The following MRPS27 variants were observed in gnomAD, a reference collection of about 807,000 sequenced individuals.
The protein encoded by MRPS27 is small ribosomal subunit protein mS27.
MRPS27 carries 43 observed loss-of-function variants against 48.9 expected under a neutral mutation model. That is an observed-to-expected ratio of 0.88 (90% CI 0.69 to 1.13). The LOEUF (loss-of-function observed/expected upper bound fraction) is 1.13, where lower values mean the gene tolerates loss of function less well. Ranked by LOEUF, MRPS27 falls within the 50% of genes most tolerant of loss-of-function variation. The pLI, the probability that MRPS27 is intolerant of heterozygous loss-of-function variation, is 0.00. For missense variants in MRPS27, 467 were observed against 476.3 expected (o/e 0.98, Z 0.18); for synonymous variants, 188 against 171.9 (o/e 1.09, Z -0.73).
intron 4 of MRPS27, among the ~76,000 whole-genome samples, chr5:72,273,794 T>C (rs1749306528): frequency 6.6e-6 from 1 of 152,208 alleles, no homozygotes; most frequent in African/African-American, 2.4e-5. Context: ...TACGCTACTG[T>C]AGACTTTATA....
chr5:72,236,587 C>T (rs1209637883), intron 5 of MRPS27, among the ~76,000 whole-genome samples: 2 of 152,118 alleles, frequency 1.3e-5, no homozygotes, highest in Non-Finnish European at 2.9e-5. Context: ...TCTGGGCCTT[C>T]CATTTCCTCC....
chr5:72,294,614 T>C (rs1749928389), intron 4 of MRPS27: 1 of 152,196 alleles, frequency 6.6e-6, no homozygotes, highest in African/African-American at 2.4e-5. Context: ...CTACCATAAA[T>C]GATGTTGCAC....
At chr5:72,252,657 G>A (rs1228095916) in intron 4 of MRPS27, among the ~76,000 whole-genome samples, 1 of 152,140 alleles carries the variant, frequency 6.6e-6, no homozygotes, top group Non-Finnish European at 1.5e-5. Flanking sequence ...AGAAGTAGGT[G>A]GCTTGCATTC....
At chr5:72,282,784 C>T (rs772631497) in intron 4 of MRPS27, among the ~76,000 whole-genome samples, 2 of 152,170 alleles carry the variant, frequency 1.3e-5, no homozygotes, top group Non-Finnish European at 2.9e-5. Flanking sequence ...CCCAACTTCT[C>T]ATACCACAAA....
intron 4 of MRPS27, among the ~76,000 whole-genome samples, chr5:72,274,976 G>A (rs574779411): frequency 6.9e-4 from 105 of 152,226 alleles, no homozygotes; most frequent in African/African-American, 2.5e-3. Context: ...CACAAGACAA[G>A]GATGCCCTCT....
chr5:72,292,172 G>C (rs973301091), intron 4 of MRPS27, among the ~76,000 whole-genome samples: 1 of 129,814 alleles, frequency 7.7e-6, no homozygotes, highest in African/African-American at 2.9e-5. Flanking sequence ...TTTTACTCTT[G>C]GTTTATTTTC....
At chr5:72,236,634 T>G (rs1206750432) in intron 5 of MRPS27, among the ~76,000 whole-genome samples, 1 of 152,140 alleles carries the variant, frequency 6.6e-6, no homozygotes, top group Non-Finnish European at 1.5e-5. Flanking sequence ...ATTGGACTTA[T>G]CCAGGGACCT....
chr5:72,277,601 T>A (rs1749411455), intron 4 of MRPS27, among the ~76,000 whole-genome samples: 1 of 150,936 alleles, frequency 6.6e-6, no homozygotes, highest in Non-Finnish European at 1.5e-5. Context: ...AGACTCCGTC[T>A]CAAAAAAAAA....
intron 4 of MRPS27, among the ~76,000 whole-genome samples, chr5:72,287,145 T>A (rs1013254900): frequency 5.3e-5 from 8 of 152,026 alleles, no homozygotes; most frequent in Non-Finnish European, 7.4e-5. Context: ...ATGCTCCTTA[T>A]GAGAATCTAA....
chr5:72,241,677 C>G, intron 4 of MRPS27: 1 of 1,535,492 alleles, frequency 6.5e-7, no homozygotes, highest in Non-Finnish European at 8.7e-7. Context: ...GCTGGATGAG[C>G]ATTCTCCCTT....
intron 2 of MRPS27, among the ~76,000 whole-genome samples, chr5:72,299,710 T>C (rs1364095640): frequency 6.6e-6 from 1 of 152,254 alleles, no homozygotes; most frequent in Non-Finnish European, 1.5e-5. Context: ...GATCACACTT[T>C]TATCTCAGAG....
intron 4 of MRPS27, among the ~76,000 whole-genome samples, chr5:72,276,957 G>A (rs1749393539): frequency 6.6e-6 from 1 of 152,080 alleles, no homozygotes; most frequent in Non-Finnish European, 1.5e-5. Context: ...CTTGAACCCA[G>A]GAGGCGGAGG....
chr5:72,275,710 C>A (rs1408377578), intron 4 of MRPS27, among the ~76,000 whole-genome samples: 1 of 152,204 alleles, frequency 6.6e-6, no homozygotes, highest in Non-Finnish European at 1.5e-5. Flanking sequence ...CATACCTGAA[C>A]AAAGGGGCAT....
At chr5:72,251,283 C>G (rs939975460) in intron 4 of MRPS27, among the ~76,000 whole-genome samples, 2 of 152,096 alleles carry the variant, frequency 1.3e-5, no homozygotes, top group African/African-American at 4.8e-5. Context: ...AAGACAGTCT[C>G]AAATGAGGAG....
At chr5:72,252,823 T>C (rs1285820328) in intron 4 of MRPS27, among the ~76,000 whole-genome samples, 1 of 152,154 alleles carries the variant, frequency 6.6e-6, no homozygotes, top group Non-Finnish European at 1.5e-5. Context: ...TGGTGCTATT[T>C]TGTTGGGGGA....
chr5:72,287,870 T>C (rs1749715891), intron 4 of MRPS27, among the ~76,000 whole-genome samples: 1 of 152,204 alleles, frequency 6.6e-6, no homozygotes, highest in African/African-American at 2.4e-5. Context: ...AAGTTAAACA[T>C]TTACTTACCA....
At chr5:72,299,969 T>G (rs1580111630) in intron 2 of MRPS27, among the ~76,000 whole-genome samples, 1 of 152,266 alleles carries the variant, frequency 6.6e-6, no homozygotes, top group Non-Finnish European at 1.5e-5. Flanking sequence ...AAAGGTTGAA[T>G]GGTGTTAAAC....
At chr5:72,234,355 T>G (rs1479351001) in intron 5 of MRPS27, among the ~76,000 whole-genome samples, 158 bp from the exon 6 acceptor site, 1 of 152,090 alleles carries the variant, frequency 6.6e-6, no homozygotes, top group Non-Finnish European at 1.5e-5. Flanking sequence ...ACAGAAGCCA[T>G]GACTCATGAG....
chr5:72,241,585 G>A (rs1265805176), intron 4 of MRPS27: 2 of 1,442,550 alleles, frequency 1.4e-6, no homozygotes, highest in East Asian at 2.5e-5. Flanking sequence ...AATAAATGTG[G>A]GGACTTTTCA....
Sources: allele counts gnomAD v4.1 joint callset (sites outside exome capture counted in the v4.1 genomes callset), GRCh38; gene constraint gnomAD v4.1.1; transcripts MANE v1.5; gene names NCBI Gene and HGNC (gene_info 2026-07-23, HGNC 2026-07-21).